The following SLCO1B3 variants were observed in gnomAD, a reference collection of about 807,000 sequenced individuals.
SLCO1B3 encodes the protein liver-specific organic anion transporter 2.
In SLCO1B3, 72 loss-of-function variants were observed where a neutral mutation model predicts 71.8. The observed-to-expected ratio is 1.00, with a 90% confidence interval of 0.83 to 1.22. SLCO1B3 has a LOEUF of 1.22. SLCO1B3 is among the 50% of genes most tolerant of loss of function. SLCO1B3 has a pLI of 0.00. For missense variants in SLCO1B3, 911 were observed against 819.7 expected, an observed-to-expected ratio of 1.11 and a Z score of -1.36; for synonymous variants, 298 against 278.4, an observed-to-expected ratio of 1.07 and a Z score of -0.70.
chr12:20,889,054 G>A (rs970882948), intron 13 of SLCO1B3, among the ~76,000 whole-genome samples: 1 of 148,206 alleles, frequency 6.7e-6, no homozygotes, highest in Non-Finnish European at 1.5e-5. Flanking sequence ...TTTTCATTGC[G>A]ATGAACCTTT....
At chr12:20,837,557 G>T (rs1481906176) in intron 3 of SLCO1B3, among the ~76,000 whole-genome samples, 1 of 151,936 alleles carries the variant, frequency 6.6e-6, no homozygotes, top group African/African-American at 2.4e-5. Context: ...CTTATCTTGA[G>T]ATTTCCTTTG....
chr12:20,827,706 G>A (rs1310730336), intron 3 of SLCO1B3, among the ~76,000 whole-genome samples: 1 of 152,040 alleles, frequency 6.6e-6, no homozygotes, highest in African/African-American at 2.4e-5. Flanking sequence ...CGAGTAGCTG[G>A]GACTGCAGGC....
Position 20,862,530 on chromosome 12 carries a change from A to G in SLCO1B3, c.600A>G (p.Ala200=), listed in dbSNP as rs745614997. The part of the protein sequence containing the change: ...PLGISYIDDF[A]KEGHSSLYLG... Reference sequence around the variant, plus strand: ...GGATTTCATACATTGATGATTTTGCAAAAGAAGGACATTCTTCCTTGTATT... The same window carrying G: ...GGATTTCATACATTGATGATTTTGCGAAAGAAGGACATTCTTCCTTGTATT... Residue 200 remains alanine, a synonymous_variant, in exon 7 of 16, where the codon GCA becomes GCG. Transcript: ENST00000381545. 2 of 1,611,322 alleles carry G rather than the reference A, an allele frequency of 1.2e-6. No homozygotes were observed. Among genetic ancestry groups the G allele is most frequent in the Non-Finnish European group, 8.5e-7 (1 of 1,178,540 alleles).
At chr12:20,834,232 A>G (rs1864621305) in intron 3 of SLCO1B3, among the ~76,000 whole-genome samples, 1 of 146,020 alleles carries the variant, frequency 6.8e-6, no homozygotes, top group Non-Finnish European at 1.5e-5. Context: ...GAAAGTGTGT[A>G]TATATAGTAA....
intron 15 of SLCO1B3, among the ~76,000 whole-genome samples, chr12:20,915,223 A>G (rs1051611565): frequency 1.3e-5 from 2 of 151,908 alleles, no homozygotes; most frequent in African/African-American, 4.8e-5. Context: ...TTATTGATAT[A>G]AACTTAGAGA....
intron 15 of SLCO1B3, among the ~76,000 whole-genome samples, chr12:20,902,611 T>G (rs918471998): frequency 6.6e-6 from 1 of 152,132 alleles, no homozygotes; most frequent in African/African-American, 2.4e-5. Flanking sequence ...ACTATGCTTA[T>G]TTAAAAAGAG....
intron 1 of SLCO1B3, among the ~76,000 whole-genome samples, chr12:20,811,872 A>G (rs1200751847): frequency 6.6e-6 from 1 of 151,124 alleles, no homozygotes; most frequent in Non-Finnish European, 1.5e-5. Context: ...ATTGATATTC[A>G]AGTTTTGTAG....
At chr12:20,847,906 C>A (rs1864949308) in intron 3 of SLCO1B3, among the ~76,000 whole-genome samples, 1 of 151,806 alleles carries the variant, frequency 6.6e-6, no homozygotes, top group Admixed American at 6.6e-5. Context: ...TAAGGAACTC[C>A]AAGTAAAAAA....
At chr12:20,864,907 G>A (rs1865341871) in intron 8 of SLCO1B3, among the ~76,000 whole-genome samples, 1 of 152,042 alleles carries the variant, frequency 6.6e-6, no homozygotes, top group Non-Finnish European at 1.5e-5. Flanking sequence ...AATGGGGAGA[G>A]TTGTTGTTGG....
At chr12:20,860,906 A>G in intron 5 of SLCO1B3, 111 bp from the exon 6 acceptor site, 1 of 1,085,318 alleles carries the variant, frequency 9.2e-7, no homozygotes. Context: ...GATTCTGGTA[A>G]TTTGGAGAAG....
intron 13 of SLCO1B3, among the ~76,000 whole-genome samples, chr12:20,894,669 A>G (rs1182729319): frequency 6.6e-6 from 1 of 152,226 alleles, no homozygotes; most frequent in Non-Finnish European, 1.5e-5. Context: ...CCAGGGTTGA[A>G]GTGCAATCTC....
At chr12:20,914,633 A>T (rs1337600023) in intron 15 of SLCO1B3, among the ~76,000 whole-genome samples, 1 of 152,042 alleles carries the variant, frequency 6.6e-6, no homozygotes, top group Non-Finnish European at 1.5e-5. Context: ...TGTATATCCG[A>T]GTTTATGACC....
chr12:20,869,557 C>A (rs1198720090), intron 8 of SLCO1B3, among the ~76,000 whole-genome samples: 1 of 152,126 alleles, frequency 6.6e-6, no homozygotes, highest in East Asian at 1.9e-4. Context: ...TGCCTCGGCA[C>A]CTGGGTGGCT....
intron 15 of SLCO1B3, 151 bp downstream of exon 15, chr12:20,901,618 G>A: frequency 1.9e-6 from 1 of 523,976 alleles, no homozygotes. Flanking sequence ...CAAGCATTCT[G>A]GTATCTCATT....
chr12:20,858,044 G>C lies in SLCO1B3; in HGVS notation c.227-395G>C, dbSNP rs114546482. 6.9e-3 allele frequency among the ~76,000 whole-genome samples: 1,050 copies of C among 151,910 alleles called. 9 individuals are homozygous for C. Among genetic ancestry groups the C allele is most frequent in the African/African-American group, 0.023 (963 of 41,460 alleles). ...GATTTTTTTTTATATTTCTGACTCT[G>C]AGCACTGTGGTAGGTACATAGTATA... is the stretch of plus-strand genomic sequence containing the variant. On this transcript the variant is annotated intron_variant, in intron 4 of 15. Transcript: ENST00000381545.
intron 15 of SLCO1B3, among the ~76,000 whole-genome samples, chr12:20,904,955 G>GTA (rs1254647089): frequency 1.3e-5 from 2 of 151,722 alleles, no homozygotes; most frequent in East Asian, 3.9e-4. Context: ...CATGTCTTTA[G>GTA]TAGAGATGGG....
At chr12:20,869,681 G>A (rs1865443612) in intron 8 of SLCO1B3, among the ~76,000 whole-genome samples, 1 of 152,056 alleles carries the variant, frequency 6.6e-6, no homozygotes, top group African/African-American at 2.4e-5. Flanking sequence ...CTGTTTAAGG[G>A]TGAATAGCAT....
chr12:20,854,123 C>T (rs1005598167), intron 3 of SLCO1B3, among the ~76,000 whole-genome samples: 2 of 151,974 alleles, frequency 1.3e-5, no homozygotes, highest in African/African-American at 4.8e-5. Flanking sequence ...GTGTGGGCCA[C>T]GGTGGTCTAT....
intron 4 of SLCO1B3, among the ~76,000 whole-genome samples, chr12:20,857,638 T>A (rs942221238): frequency 2.0e-5 from 3 of 151,920 alleles, no homozygotes; most frequent in African/African-American, 7.2e-5. Context: ...ACTAACAGGA[T>A]TTTTTTTAAA....
Sources: gnomAD v4.1 joint callset for allele counts (sites outside exome capture counted in the v4.1 genomes callset) on GRCh38, gnomAD v4.1.1 for gene constraint, MANE v1.5 for transcripts, NCBI Gene and HGNC (gene_info 2026-07-23, HGNC 2026-07-21) for gene names.